The following OSBPL10 variants were observed in gnomAD, a reference collection of about 807,000 sequenced individuals.
OSBPL10 encodes oxysterol-binding protein-related protein 10.
OSBPL10 carries 49 observed loss-of-function variants against 81.7 expected under a neutral mutation model. That is an observed-to-expected ratio of 0.60 (90% confidence interval 0.48 to 0.76). The LOEUF is 0.76. OSBPL10 is among the 30% of genes least tolerant of loss of function. The pLI, the probability that OSBPL10 is intolerant of heterozygous loss-of-function variation, is 0.00. For missense variants in OSBPL10, 923 were observed against 987.8 expected, an observed-to-expected ratio of 0.93 and a Z score of 0.88; for synonymous variants, 419 against 383.6, an observed-to-expected ratio of 1.09 and a Z score of -1.08.
At chr3:31,753,755 T>C (rs1697791024) in intron 4 of OSBPL10, among the ~76,000 whole-genome samples, 1 of 152,228 alleles carries the variant, frequency 6.6e-6, no homozygotes, top group African/African-American at 2.4e-5. Flanking sequence ...TCACTAATTC[T>C]GAACTGTTAA....
intron 4 of OSBPL10, among the ~76,000 whole-genome samples, chr3:31,776,488 C>T (rs968792528): frequency 6.6e-6 from 1 of 152,128 alleles, no homozygotes; most frequent in African/African-American, 2.4e-5. Flanking sequence ...GGTACCTAAA[C>T]AAATATAAGC....
intron 4 of OSBPL10, among the ~76,000 whole-genome samples, chr3:31,799,731 A>G (rs1158172785): frequency 6.6e-6 from 1 of 152,238 alleles, no homozygotes; most frequent in East Asian, 1.9e-4. Context: ...CAGCAGTACC[A>G]GAAACTTACA....
At chr3:32,065,932 G>GGAAAGAA (rs1237602783) in intron 1 of OSBPL10, among the ~76,000 whole-genome samples, 1 of 48,168 alleles carries the variant, frequency 2.1e-5, no homozygotes, top group Admixed American at 3.3e-4. Flanking sequence ...AAAGAAAGAA[G>GGAAAGAA]GAAAGAAGAA....
intron 1 of OSBPL10, among the ~76,000 whole-genome samples, chr3:32,060,271 C>T (rs778446397): frequency 2.0e-5 from 3 of 152,180 alleles, no homozygotes; most frequent in Middle Eastern, 3.2e-3. Context: ...CCTCTGCAGG[C>T]AAGATCCGGC....
At chr3:32,039,047 G>A (rs1447646341) in intron 2 of OSBPL10, among the ~76,000 whole-genome samples, 1 of 152,098 alleles carries the variant, frequency 6.6e-6, no homozygotes, top group Non-Finnish European at 1.5e-5. Context: ...AAGAGGGTCA[G>A]GGCATGGTGG....
At chr3:31,787,635 T>C (rs13074320) in intron 4 of OSBPL10, among the ~76,000 whole-genome samples, 98,903 of 150,590 alleles carry the variant, frequency 0.66, 32,765 homozygotes, top group East Asian at 0.79. Context: ...CTAATCAATA[T>C]GTCCTTTGGG....
chr3:31,931,835 G>A (rs942184610), intron 1 of OSBPL10, among the ~76,000 whole-genome samples: 3 of 152,152 alleles, frequency 2.0e-5, no homozygotes, highest in Admixed American at 6.5e-5. Flanking sequence ...CTATCACTTT[G>A]GGAGCCTGAG....
At chr3:31,722,637 T>G (rs1218105745) in intron 6 of OSBPL10, among the ~76,000 whole-genome samples, 1 of 151,988 alleles carries the variant, frequency 6.6e-6, no homozygotes, top group Non-Finnish European at 1.5e-5. Flanking sequence ...TTCAAAGGAG[T>G]AGTTTTCTCC....
chr3:31,810,918 T>C (rs1294720457), intron 4 of OSBPL10, among the ~76,000 whole-genome samples: 1 of 152,178 alleles, frequency 6.6e-6, no homozygotes, highest in African/African-American at 2.4e-5. Flanking sequence ...AGGTACTCCC[T>C]AAAGCATTGT....
chr3:31,715,043 C>T (rs1378835700), intron 6 of OSBPL10: 1 of 151,034 alleles, frequency 6.6e-6, no homozygotes, highest in Non-Finnish European at 1.5e-5. Flanking sequence ...TCTACTCAGT[C>T]AGTACTTCGG....
chr3:31,807,131 G>C (rs984680783), intron 4 of OSBPL10, among the ~76,000 whole-genome samples: 3 of 152,196 alleles, frequency 2.0e-5, no homozygotes, highest in African/African-American at 7.2e-5. Flanking sequence ...TATAATCCCA[G>C]CACTTTGGGA....
At chr3:31,710,437 C>T (rs1483575029) in intron 6 of OSBPL10, among the ~76,000 whole-genome samples, 4 of 152,200 alleles carry the variant, frequency 2.6e-5, no homozygotes, top group African/African-American at 4.8e-5. Context: ...CCTCTCAAAG[C>T]TGATTGACAC....
chr3:31,905,854 A>G (rs1245845635), intron 1 of OSBPL10, among the ~76,000 whole-genome samples: 17 of 151,496 alleles, frequency 1.1e-4, no homozygotes, highest in Admixed American at 1.1e-3. Context: ...AAAAAAACCT[A>G]TCACTTGATT....
intron 6 of OSBPL10, among the ~76,000 whole-genome samples, chr3:31,731,488 C>CTT (rs202094117): frequency 9.1e-5 from 13 of 142,308 alleles, no homozygotes; most frequent in Non-Finnish European, 1.7e-4. Context: ...TTATTTCTTT[C>CTT]TTTTTTTTTT....
rs182448979 is a variant in OSBPL10, at chr3:32,038,935, T to G, written n.298+7556A>C. Among the ~76,000 whole-genome samples the G allele has an allele frequency of 2.0e-5, 3 of 152,210 alleles. No homozygotes were observed. The East Asian group carries it at 5.8e-4, about 29-fold the overall frequency. On this transcript the variant is annotated intron_variant and non_coding_transcript_variant, in intron 2 of 3. Coordinates refer to the OSBPL10 transcript ENST00000479173. ...TAGAAGTTAAGGTGGACTAAAAGAC[T>G]GTTACAAGTCAAGTACAGAGACAAA...
intron 3 of OSBPL10, among the ~76,000 whole-genome samples, chr3:31,833,639 T>C (rs1700298109): frequency 6.6e-6 from 1 of 151,442 alleles, no homozygotes; most frequent in African/African-American, 2.4e-5. Flanking sequence ...GCCCAAAACA[T>C]AATTAAATAC....
At chr3:31,687,608 G>A (rs1301541631) in intron 7 of OSBPL10, among the ~76,000 whole-genome samples, 1 of 151,808 alleles carries the variant, frequency 6.6e-6, no homozygotes, top group African/African-American at 2.4e-5. Flanking sequence ...GGGCCACCCA[G>A]TGGCCGAGCC....
chr3:31,952,506 A>G (rs1051004119), intron 1 of OSBPL10, among the ~76,000 whole-genome samples: 11 of 152,194 alleles, frequency 7.2e-5, no homozygotes, highest in African/African-American at 2.7e-4. Context: ...CCCACCAGCA[A>G]CTTGGGGCAG....
chr3:31,662,556 G>GTGCT, intron 11 of OSBPL10: 1 of 988,550 alleles, frequency 1.0e-6, no homozygotes, highest in East Asian at 1.6e-4. Context: ...AAACAAATCA[G>GTGCT]CACACACAAG....
Sources: allele counts gnomAD v4.1 joint callset (sites outside exome capture counted in the v4.1 genomes callset), GRCh38; gene constraint gnomAD v4.1.1; transcripts MANE v1.5; gene names NCBI Gene and HGNC (gene_info 2026-07-23, HGNC 2026-07-21).